Variants in ADGRB3 observed in about 807,000 individuals in gnomAD.
ADGRB3 encodes the protein adhesion G protein-coupled receptor B3, also known as brain-specific angiogenesis inhibitor 3.
Under a neutral mutation model 193.4 loss-of-function variants are expected in ADGRB3, and 37 were observed. That is an observed-to-expected ratio of 0.19 (90% confidence interval 0.15 to 0.25). The LOEUF (loss-of-function observed/expected upper bound fraction) is 0.25. Ranked by LOEUF, ADGRB3 falls within the 10% of genes least tolerant of loss-of-function variation. The pLI, the probability that ADGRB3 is intolerant of heterozygous loss-of-function variation, is 1.00. For synonymous variants in ADGRB3, 690 were observed against 644.2 expected, an observed-to-expected ratio of 1.07 and a Z score of -1.08; for missense variants, 1,637 against 1,852.9, an observed-to-expected ratio of 0.88 and a Z score of 2.14.
intron 17 of ADGRB3, among the ~76,000 whole-genome samples, chr6:69,174,368 C>T (rs929550056): frequency 6.6e-6 from 1 of 152,278 alleles, no homozygotes; most frequent in Non-Finnish European, 1.5e-5. Context: ...TTCCCTGTTC[C>T]TGCATGAATT....
chr6:68,974,785 G>C lies in ADGRB3; in HGVS notation c.1548G>C (p.Glu516Asp). The C allele has an allele frequency of 6.2e-7, 1 of 1,613,904 alleles. No homozygotes were observed. Among genetic ancestry groups the C allele is most frequent in the Non-Finnish European group, 8.5e-7 (1 of 1,179,894 alleles). ...CAGCACCTTATGAAATATGCCCTGA[G>C]GATTATCTGATGTCGATGGTGTGGA... Reference protein sequence around the residue: ...RCPAPYEICPEDYLMSMVWKR... With the variant: ...RCPAPYEICPDDYLMSMVWKR... Residue 516 changes from glutamate to aspartate, a missense_variant, in exon 9 of 32, where the codon GAG becomes GAC. Coordinates refer to ENST00000370598, the MANE Select transcript of ADGRB3 (RefSeq NM_001704.3).
intron 20 of ADGRB3, among the ~76,000 whole-genome samples, chr6:69,273,317 T>C (rs188045639): frequency 1.1e-3 from 173 of 152,340 alleles, no homozygotes; most frequent in Non-Finnish European, 2.0e-3. Context: ...AAATTCCATA[T>C]ATCAAAATCA....
chr6:68,681,179 A>G (rs1764887594), intron 3 of ADGRB3, among the ~76,000 whole-genome samples: 1 of 152,196 alleles, frequency 6.6e-6, no homozygotes, highest in African/African-American at 2.4e-5. Context: ...ATTATGGTGG[A>G]GAGGACACCA....
intron 3 of ADGRB3, among the ~76,000 whole-genome samples, chr6:68,853,326 T>C (rs551359650): frequency 6.6e-6 from 1 of 152,196 alleles, no homozygotes; most frequent in South Asian, 2.1e-4. Flanking sequence ...TCATAACCTG[T>C]ATTGTTTTCA....
intron 17 of ADGRB3, among the ~76,000 whole-genome samples, chr6:69,109,804 A>G (rs1411267708): frequency 2.0e-5 from 3 of 152,206 alleles, no homozygotes; most frequent in Non-Finnish European, 4.4e-5. Context: ...TAGCAAGTCT[A>G]GTCTCTAATA....
chr6:69,247,048 A>G (rs1015581624), intron 20 of ADGRB3, among the ~76,000 whole-genome samples: 1 of 152,166 alleles, frequency 6.6e-6, no homozygotes, highest in Non-Finnish European at 1.5e-5. Flanking sequence ...CTTGGCCTTC[A>G]TGATTTCTCA....
At chr6:69,125,204 T>C (rs900172621) in intron 17 of ADGRB3, among the ~76,000 whole-genome samples, 2 of 152,202 alleles carry the variant, frequency 1.3e-5, no homozygotes, top group Non-Finnish European at 2.9e-5. Context: ...TTATATCATT[T>C]GCAGAAGTCC....
chr6:68,890,999 T>C (rs1404737042), intron 3 of ADGRB3, among the ~76,000 whole-genome samples: 1 of 152,190 alleles, frequency 6.6e-6, no homozygotes, highest in African/African-American at 2.4e-5. Context: ...GATAAGGACT[T>C]ACCTGAGACT....
intron 20 of ADGRB3, among the ~76,000 whole-genome samples, chr6:69,277,203 C>T (rs1161890994): frequency 6.6e-6 from 1 of 152,012 alleles, no homozygotes; most frequent in Non-Finnish European, 1.5e-5. Context: ...ACATGTTGGT[C>T]AGGCTGGTCT....
At chr6:68,866,981 G>A (rs188451915) in intron 3 of ADGRB3, among the ~76,000 whole-genome samples, 2 of 152,158 alleles carry the variant, frequency 1.3e-5, no homozygotes, top group African/African-American at 2.4e-5. Flanking sequence ...GAGTATAAAA[G>A]TTTGAAAAAT....
At chr6:69,287,376 A>T (rs545013096) in intron 20 of ADGRB3, among the ~76,000 whole-genome samples, 1 of 152,314 alleles carries the variant, frequency 6.6e-6, no homozygotes, top group Admixed American at 6.5e-5. Context: ...TTTACATGTG[A>T]ATTTTATTTA....
chr6:68,751,440 T>C (rs548479123), intron 3 of ADGRB3, among the ~76,000 whole-genome samples: 14 of 152,220 alleles, frequency 9.2e-5, no homozygotes, highest in Non-Finnish European at 2.1e-4. Flanking sequence ...CAGTCACAGT[T>C]CAGTCTTCAA....
At chr6:69,249,176 C>A (rs1766564893) in intron 20 of ADGRB3, among the ~76,000 whole-genome samples, 1 of 152,068 alleles carries the variant, frequency 6.6e-6, no homozygotes, top group African/African-American at 2.4e-5. Context: ...TGGAGTTTCA[C>A]CATGTTGGTC....
rs182060403 is a variant in ADGRB3, at chr6:69,059,919, T to C, written c.2334-3015T>C. Among the ~76,000 whole-genome samples the C allele has an allele frequency of 4.6e-5, 7 of 152,252 alleles. No homozygotes were observed. In the East Asian group the frequency reaches 1.3e-3, roughly 29 times the overall value. ...ACAAAACACTCAAACATGTTTTAAG[T>C]ATTAAAATGTTCCAAAGAATAATAC... On this transcript the variant is annotated intron_variant, in intron 15 of 31. Coordinates refer to ENST00000370598, the MANE Select transcript of ADGRB3 (RefSeq NM_001704.3).
At chr6:68,777,892 A>G (rs528196037) in intron 3 of ADGRB3, among the ~76,000 whole-genome samples, 1 of 152,170 alleles carries the variant, frequency 6.6e-6, no homozygotes, top group African/African-American at 2.4e-5. Context: ...TGTTTGAAAC[A>G]TGCTGGAAAA....
At chr6:68,889,260 C>T (rs1021170821) in intron 3 of ADGRB3, among the ~76,000 whole-genome samples, 1 of 152,100 alleles carries the variant, frequency 6.6e-6, no homozygotes, top group African/African-American at 2.4e-5. Context: ...TTTAATTCAG[C>T]ATTTTGTTTG....
intron 3 of ADGRB3, among the ~76,000 whole-genome samples, chr6:68,827,400 C>G (rs1767865293): frequency 6.6e-6 from 1 of 151,500 alleles, no homozygotes; most frequent in Admixed American, 6.6e-5. Flanking sequence ...AATAAATGAG[C>G]AATGGGGCCA....
intron 4 of ADGRB3, among the ~76,000 whole-genome samples, chr6:68,935,021 A>T (rs1313662187): frequency 6.6e-6 from 1 of 152,158 alleles, no homozygotes; most frequent in African/African-American, 2.4e-5. Context: ...TGCCCTTACA[A>T]TATATGTCCA....
At chr6:69,048,658 G>A (rs1189080302) in intron 14 of ADGRB3, among the ~76,000 whole-genome samples, 1 of 152,012 alleles carries the variant, frequency 6.6e-6, no homozygotes, top group Non-Finnish European at 1.5e-5. Flanking sequence ...ATTGAAATGT[G>A]TTGTATTTTC....
Sources: allele counts gnomAD v4.1 joint callset (sites outside exome capture counted in the v4.1 genomes callset), GRCh38; gene constraint gnomAD v4.1.1; transcripts MANE v1.5; gene names NCBI Gene and HGNC (gene_info 2026-07-23, HGNC 2026-07-21).